The following GTF2A1L variants were observed in gnomAD, a reference collection of about 807,000 sequenced individuals.
GTF2A1L encodes TFIIA-alpha and beta-like factor.
A neutral mutation model predicts 49.7 loss-of-function variants in GTF2A1L; 48 were observed. That is an observed-to-expected ratio of 0.97 (90% CI 0.77 to 1.23). GTF2A1L has a LOEUF of 1.23. Ranked by LOEUF, GTF2A1L falls within the 50% of genes most tolerant of loss-of-function variation. The pLI, the probability that GTF2A1L is intolerant of heterozygous loss-of-function variation, is 0.00. For missense variants in GTF2A1L, 736 were observed against 564.8 expected (o/e 1.30, Z -3.07); for synonymous variants, 246 against 193.5 (o/e 1.27, Z -2.25).
At chr2:48,619,414 G>T (rs1321297364) in intron 1 of GTF2A1L, among the ~76,000 whole-genome samples, 1 of 151,550 alleles carries the variant, frequency 6.6e-6, no homozygotes, top group East Asian at 1.9e-4. Context: ...ATGTTGCAGT[G>T]GGCCCAGATT....
intron 3 of GTF2A1L, among the ~76,000 whole-genome samples, chr2:48,633,521 AT>A (rs1395438321): frequency 1.3e-5 from 2 of 151,974 alleles, no homozygotes; most frequent in South Asian, 2.1e-4. Context: ...TGGTATGATA[AT>A]TTTTTTGAAC....
At chr2:48,635,182 A>C (rs1350274495) in intron 3 of GTF2A1L, among the ~76,000 whole-genome samples, 2 of 151,800 alleles carry the variant, frequency 1.3e-5, no homozygotes, top group African/African-American at 2.4e-5. Flanking sequence ...TGGACCAGGC[A>C]AGCAGGTGCT....
chr2:48,649,761 T>C (rs577220730), intron 6 of GTF2A1L, among the ~76,000 whole-genome samples: 9 of 152,250 alleles, frequency 5.9e-5, no homozygotes, highest in African/African-American at 1.9e-4. Context: ...CCTTCACCTA[T>C]AATAAATAAA....
At chr2:48,622,892 A>G (rs910349770) in intron 3 of GTF2A1L, among the ~76,000 whole-genome samples, 1 of 151,376 alleles carries the variant, frequency 6.6e-6, no homozygotes, top group African/African-American at 2.4e-5. Flanking sequence ...CAAAATTGCA[A>G]TACTAGATTT....
At chr2:48,640,982 A>G (rs922658277) in intron 3 of GTF2A1L, among the ~76,000 whole-genome samples, 2 of 152,208 alleles carry the variant, frequency 1.3e-5, no homozygotes, top group African/African-American at 4.8e-5. Flanking sequence ...TCCAATGTCT[A>G]TAAAGAAACT....
chr2:48,640,037 T>A (rs976433649), intron 3 of GTF2A1L, among the ~76,000 whole-genome samples: 1 of 151,970 alleles, frequency 6.6e-6, no homozygotes, highest in East Asian at 1.9e-4. Context: ...TGTTAAAAAG[T>A]AAAAAATGAA....
intron 3 of GTF2A1L, among the ~76,000 whole-genome samples, chr2:48,624,377 T>C (rs1676185801): frequency 6.9e-6 from 1 of 144,196 alleles, no homozygotes; most frequent in East Asian, 1.9e-4. Flanking sequence ...CTTAATGAGG[T>C]TTGCAGAAAT....
intron 8 of GTF2A1L, 40 bp from the exon 9 acceptor site, chr2:48,679,295 T>C (rs1358050957): frequency 6.3e-7 from 1 of 1,596,424 alleles, no homozygotes; most frequent in Non-Finnish European, 8.5e-7. Context: ...ATCCTTTAAC[T>C]TGTAAAATTA....
intron 6 of GTF2A1L, among the ~76,000 whole-genome samples, chr2:48,654,249 C>A (rs6761791): frequency 0.98 from 148,764 of 152,326 alleles, 72,666 homozygotes; most frequent in East Asian, 1. Context: ...CTTTCAGTCC[C>A]GTATATTATT....
chr2:48,676,817 A>G (rs1215320973), intron 8 of GTF2A1L, among the ~76,000 whole-genome samples: 4 of 150,904 alleles, frequency 2.7e-5, no homozygotes, highest in African/African-American at 9.7e-5. Context: ...CTATATATCT[A>G]TATCTATATC....
chr2:48,635,841 C>T (rs1157921958), intron 3 of GTF2A1L, among the ~76,000 whole-genome samples: 2 of 152,114 alleles, frequency 1.3e-5, no homozygotes, highest in Non-Finnish European at 2.9e-5. Context: ...AAAGTGTCTG[C>T]AGCTTCTCCT....
chr2:48,655,350 T>C (rs1014114264), intron 6 of GTF2A1L, among the ~76,000 whole-genome samples: 3 of 152,072 alleles, frequency 2.0e-5, no homozygotes, highest in Non-Finnish European at 4.4e-5. Context: ...TATTTTTAAT[T>C]AGTTAATTCA....
intron 8 of GTF2A1L, among the ~76,000 whole-genome samples, chr2:48,676,187 G>A (rs1679457794): frequency 6.6e-6 from 1 of 151,736 alleles, no homozygotes; most frequent in Non-Finnish European, 1.5e-5. Context: ...ATATGAGGAG[G>A]CTTTCTTTGT....
chr2:48,671,041 C>G (rs904238888), intron 7 of GTF2A1L, among the ~76,000 whole-genome samples: 11 of 151,956 alleles, frequency 7.2e-5, no homozygotes, highest in Non-Finnish European at 1.5e-4. Context: ...AAGCTGGTCT[C>G]GAACTCCTGG....
In GTF2A1L at chr2:48,669,940, C is replaced by T. The variant is rs1212293044; in HGVS notation, c.1197C>T (p.Asn399=). The change falls in exon 7 of 9, where the codon AAC becomes AAT. Residue 399 remains asparagine (N), a synonymous_variant. Coordinates refer to ENST00000403751, the MANE Select transcript of GTF2A1L (RefSeq NM_006872.5). ...DSISNEDSAT[N]SSDNEDPQVN... is the part of the protein sequence containing the mutation. Reference sequence around the variant, plus strand: ...TTTCAAATGAGGATTCAGCCACAAACAGTAGTGATAATGAAGACCCTCAAG... The same window carrying T: ...TTTCAAATGAGGATTCAGCCACAAATAGTAGTGATAATGAAGACCCTCAAG... 9 of 1,613,876 alleles carry T rather than the reference C, an allele frequency of 5.6e-6. No homozygotes were observed. The highest frequency in any genetic ancestry group is 6.8e-6 in the Non-Finnish European group (8 of 1,179,988).
At chr2:48,663,615 G>A (rs945627465) in intron 6 of GTF2A1L, among the ~76,000 whole-genome samples, 1 of 151,974 alleles carries the variant, frequency 6.6e-6, no homozygotes. Flanking sequence ...AACATAAAAT[G>A]CTATATAATA....
At chr2:48,619,934 C>G (rs1386097130) in intron 1 of GTF2A1L, among the ~76,000 whole-genome samples, 1 of 152,114 alleles carries the variant, frequency 6.6e-6, no homozygotes, top group Non-Finnish European at 1.5e-5. Flanking sequence ...TGTTCGTGCC[C>G]TTCTTAGGTT....
chr2:48,678,388 A>AC (rs1375147853), intron 8 of GTF2A1L, among the ~76,000 whole-genome samples: 20 of 151,074 alleles, frequency 1.3e-4, no homozygotes, highest in Non-Finnish European at 1.5e-5. Context: ...GGACTTTAAA[A>AC]CCCCCCCACA....
At chr2:48,651,165 A>T (rs1338936727) in intron 6 of GTF2A1L, among the ~76,000 whole-genome samples, 1 of 152,194 alleles carries the variant, frequency 6.6e-6, no homozygotes, top group Non-Finnish European at 1.5e-5. Context: ...CACCTTGGTT[A>T]AGCTGAGAAT....
Sources: gnomAD v4.1 joint callset for allele counts (sites outside exome capture counted in the v4.1 genomes callset) on GRCh38, gnomAD v4.1.1 for gene constraint, MANE v1.5 for transcripts, NCBI Gene and HGNC (gene_info 2026-07-23, HGNC 2026-07-21) for gene names.